The following CPNE1 variants were observed in gnomAD, a reference collection of about 807,000 sequenced individuals.
CPNE1 encodes copine-1.
CPNE1 carries 58 observed loss-of-function variants against 63.2 expected under a neutral mutation model. That is an observed-to-expected ratio of 0.92 (90% CI 0.74 to 1.14). The LOEUF (loss-of-function observed/expected upper bound fraction) is 1.14. CPNE1 is among the 50% of genes most tolerant of loss of function. The pLI, the probability that CPNE1 is intolerant of heterozygous loss-of-function variation, is 0.00. For synonymous variants in CPNE1, 237 were observed against 249.0 expected (o/e 0.95, Z 0.45); for missense variants, 672 against 661.7 (o/e 1.02, Z -0.17).
intron 1 of CPNE1, among the ~76,000 whole-genome samples, chr20:35,656,427 T>A (rs980755918): frequency 5.9e-5 from 9 of 152,204 alleles, no homozygotes; most frequent in Non-Finnish European, 1.3e-4. Flanking sequence ...GGCAGCCCTT[T>A]GGAAAGTGAC....
intron 13 of CPNE1, among the ~76,000 whole-genome samples, chr20:35,629,143 T>C (rs1223815870): frequency 6.6e-6 from 1 of 152,128 alleles, no homozygotes; most frequent in Non-Finnish European, 1.5e-5. Flanking sequence ...AAAACAAATG[T>C]GGTAAAATGT....
At chr20:35,653,044 C>T in intron 1 of CPNE1, 1 of 1,613,926 alleles carries the variant, frequency 6.2e-7, no homozygotes, top group Non-Finnish European at 8.5e-7. Flanking sequence ...AGGCAAACCA[C>T]TGTTTCCAAC....
chr20:35,626,476 G>A, intron 15 of CPNE1, 91 bp downstream of exon 15: 4 of 1,592,614 alleles, frequency 2.5e-6, no homozygotes, highest in Non-Finnish European at 3.4e-6. Flanking sequence ...CAGGCTTAGA[G>A]GAAAAGGTGA....
At chr20:35,637,900 C>T (rs2032580194) in intron 1 of CPNE1, among the ~76,000 whole-genome samples, 1 of 152,144 alleles carries the variant, frequency 6.6e-6, no homozygotes, top group Non-Finnish European at 1.5e-5. Flanking sequence ...TTTACCACCT[C>T]AGGGCTTTTG....
intron 1 of CPNE1, among the ~76,000 whole-genome samples, chr20:35,645,644 GT>G (rs1187481535): frequency 1.3e-5 from 2 of 152,182 alleles, no homozygotes; most frequent in African/African-American, 4.8e-5. Context: ...AAGGTGACAG[GT>G]GCTTCCAATT....
intron 1 of CPNE1, 49 bp downstream of exon 1, chr20:35,664,711 C>A (rs2034445842): frequency 6.6e-6 from 1 of 152,368 alleles, no homozygotes; most frequent in Non-Finnish European, 1.5e-5. Context: ...CCAAGGGGCA[C>A]CACGAGCCCC....
chr20:35,636,294 C>T (rs2088154794), intron 1 of CPNE1, among the ~76,000 whole-genome samples: 1 of 152,196 alleles, frequency 6.6e-6, no homozygotes, highest in South Asian at 2.1e-4. Flanking sequence ...AATCTGAACT[C>T]CATGCATGTC....
chr20:35,648,437 T>C (rs1278730573), intron 1 of CPNE1, among the ~76,000 whole-genome samples: 3 of 152,206 alleles, frequency 2.0e-5, no homozygotes, highest in African/African-American at 4.8e-5. Context: ...AAAGGAGACA[T>C]ATTATCACAC....
chr20:35,653,439 C>A (rs1356474413), intron 1 of CPNE1: 4 of 1,613,798 alleles, frequency 2.5e-6, no homozygotes, highest in East Asian at 4.5e-5. Flanking sequence ...GGGGATTTTT[C>A]TCAATCTCTC....
intron 1 of CPNE1, among the ~76,000 whole-genome samples, chr20:35,639,536 ATGTT>A (rs2032683390): frequency 6.6e-6 from 1 of 152,140 alleles, no homozygotes; most frequent in Non-Finnish European, 1.5e-5. Flanking sequence ...GGGTTTCACC[ATGTT>A]GGCTAGGCTG....
chr20:35,660,133 T>C (rs1338604011), intron 1 of CPNE1, among the ~76,000 whole-genome samples: 1 of 152,240 alleles, frequency 6.6e-6, no homozygotes, highest in African/African-American at 2.4e-5. Flanking sequence ...GCTATGCAAA[T>C]ATGTAATCAA....
intron 1 of CPNE1, among the ~76,000 whole-genome samples, chr20:35,639,340 CTA>C (rs1568919810): frequency 6.6e-6 from 1 of 151,718 alleles, no homozygotes; most frequent in Admixed American, 6.6e-5. Context: ...GTTGGGGAAA[CTA>C]TTATTTTTTT....
At chr20:35,633,779 C>A (rs1227292944) in intron 1 of CPNE1, among the ~76,000 whole-genome samples, 1 of 151,256 alleles carries the variant, frequency 6.6e-6, no homozygotes, top group Non-Finnish European at 1.5e-5. Context: ...ATGGTGAAAC[C>A]CCGTCTCTAC....
chr20:35,654,497 A>T (rs772913796), intron 1 of CPNE1: 2 of 1,614,222 alleles, frequency 1.2e-6, no homozygotes, highest in Non-Finnish European at 1.7e-6. Context: ...GGACCAAGAA[A>T]CATAGGATTC....
intron 1 of CPNE1, among the ~76,000 whole-genome samples, chr20:35,646,373 A>C (rs2033100553): frequency 2.0e-5 from 3 of 149,994 alleles, no homozygotes; most frequent in Admixed American, 1.3e-4. Context: ...ATGAAGCACA[A>C]ACTCTAAGTG....
At chr20:35,648,131 G>A (rs1357719440) in intron 1 of CPNE1, among the ~76,000 whole-genome samples, 3 of 152,010 alleles carry the variant, frequency 2.0e-5, no homozygotes, top group Admixed American at 6.6e-5. Context: ...TGAATAGACA[G>A]GGGTTTTCCC....
Position 35,626,599 on chromosome 20 carries a change from C to A in CPNE1, c.1441G>T (p.Val481Leu). The A allele has an allele frequency of 6.2e-7, 1 of 1,614,180 alleles. No individual in the cohort carries two copies. The highest frequency in any genetic ancestry group is 8.5e-7 in the Non-Finnish European group (1 of 1,180,038). ...RSGQAAARDI[V>L]QFVPYRRFQN... is the part of the protein sequence containing the mutation. ...AACCGGCGGTAGGGTACAAACTGCA[C>A]AATGTCGCGGGCAGCAGCCTGCCCA... The change falls in exon 15 of 16, where the codon GTG (valine) becomes TTG (leucine). Residue 481 changes from valine to leucine, a missense_variant. Coordinates refer to ENST00000397443, the MANE Select transcript of CPNE1 (RefSeq NM_152925.3).
At chr20:35,648,817 A>T (rs1337191690) in intron 1 of CPNE1, 1 of 152,408 alleles carries the variant, frequency 6.6e-6, no homozygotes, top group Non-Finnish European at 1.5e-5. Flanking sequence ...TACCTCTCCA[A>T]GATTACCAAA....
intron 1 of CPNE1, chr20:35,651,008 T>C (rs2033472298): frequency 6.6e-6 from 1 of 152,572 alleles, no homozygotes. Flanking sequence ...TTGTTTATAA[T>C]GTGACACATT....
Sources: allele counts gnomAD v4.1 joint callset (sites outside exome capture counted in the v4.1 genomes callset), GRCh38; gene constraint gnomAD v4.1.1; transcripts MANE v1.5; gene names NCBI Gene and HGNC (gene_info 2026-07-23, HGNC 2026-07-21).